CAPS2: variants seen among roughly 807,000 people sequenced by gnomAD.
The protein encoded by CAPS2 is calcyphosin-2.
In CAPS2, 98 loss-of-function variants were observed where a neutral mutation model predicts 86.5. The ratio of observed to expected loss-of-function variants is 1.13; its 90% CI spans 0.96 to 1.34. CAPS2 has a LOEUF of 1.34. Ranked by LOEUF, CAPS2 falls within the 40% of genes most tolerant of loss-of-function variation. CAPS2 has a pLI of 0.00. For synonymous variants in CAPS2, 210 were observed against 225.1 expected (o/e 0.93, Z 0.60); for missense variants, 729 against 686.8 (o/e 1.06, Z -0.69).
chr12:75,278,818 T>C (rs1292682923), exon 17 of CAPS2: 3 of 1,353,366 alleles, frequency 2.2e-6, no homozygotes. Flanking sequence ...TTCCAGTGTT[T>C]GATCATCCTT....
chr12:75,327,801 C>T (rs918426863), upstream of CAPS2, among the ~76,000 whole-genome samples: 1 of 149,280 alleles, frequency 6.7e-6, no homozygotes. Context: ...TTACAATATA[C>T]TTTATTTATT....
At chr12:75,281,614 C>T (rs544171942) in intron 16 of CAPS2, among the ~76,000 whole-genome samples, 3 of 151,846 alleles carry the variant, frequency 2.0e-5, no homozygotes, top group Non-Finnish European at 4.4e-5. Flanking sequence ...AAGTAAAATT[C>T]ATAATGTATT....
intron 1 of CAPS2, among the ~76,000 whole-genome samples, chr12:75,389,534 C>A (rs1200754453): frequency 6.6e-6 from 1 of 152,134 alleles, no homozygotes; most frequent in African/African-American, 2.4e-5. Flanking sequence ...TATACTTTTT[C>A]TTTAGCATTT....
rs868094637 is a variant in CAPS2 at position 75,311,729 on chromosome 12, A to C, written c.659+1119T>G. Among the ~76,000 whole-genome samples, 895 of 131,036 alleles carry C rather than the reference A, an allele frequency of 6.8e-3. 9 individuals carry two copies. The highest frequency in any genetic ancestry group is 0.012 in the Middle Eastern group (3 of 248). The allele number at this position is 131,036 out of a possible 152,430, so 86.0% of individuals were successfully genotyped here. ...AAAAAAAACAAAAAAAAAAACAAAA[A>C]AAAAAAAAAAAACCTGCCTCAAAGA... On this transcript the variant is annotated intron_variant, in intron 7 of 16. Coordinates refer to ENST00000393284, the Ensembl canonical transcript of CAPS2.
chr12:75,276,038 G>T (rs567391660), downstream of CAPS2: 4 of 594,968 alleles, frequency 6.7e-6, no homozygotes, highest in East Asian at 1.1e-4. Flanking sequence ...TACCTCAGAA[G>T]TTTATAGAAC....
intron 8 of CAPS2, among the ~76,000 whole-genome samples, chr12:75,302,583 C>A (rs999203511): frequency 1.3e-5 from 2 of 151,952 alleles, no homozygotes; most frequent in Non-Finnish European, 2.9e-5. Flanking sequence ...GTTTTTGAGA[C>A]AGATATAATC....
At chr12:75,320,375 A>G (rs952129151) in intron 5 of CAPS2, among the ~76,000 whole-genome samples, 1 of 152,142 alleles carries the variant, frequency 6.6e-6, no homozygotes, top group Non-Finnish European at 1.5e-5. Flanking sequence ...TCTAAATATC[A>G]TTTGGTATAT....
intron 1 of CAPS2, among the ~76,000 whole-genome samples, chr12:75,381,734 C>T (rs1407084515): frequency 6.6e-6 from 1 of 151,526 alleles, no homozygotes; most frequent in Non-Finnish European, 1.5e-5. Context: ...CCTGCCTCAG[C>T]CTCCCGAGTA....
At chr12:75,372,054 G>A (rs553727941) in intron 1 of CAPS2, among the ~76,000 whole-genome samples, 21 of 152,166 alleles carry the variant, frequency 1.4e-4, no homozygotes, top group East Asian at 5.8e-4. Context: ...AGTCTCTGTC[G>A]CCCAGGCTGG....
At position 75,317,211 on chromosome 12, in the gene CAPS2, G is replaced by C. The variant is rs983603465; in HGVS notation, c.469-777C>G. Among the ~76,000 whole-genome samples the C allele has an allele frequency of 6.6e-5, 10 of 152,218 alleles. No individual in the cohort carries two copies. In the South Asian group the frequency reaches 1.5e-3, roughly 22 times the overall value. ...AACCTTGTCTGTCATTTTTATTGCT[G>C]TATCGCTGGTGGCAGAACAGGATAA... On this transcript the variant is annotated intron_variant, in intron 5 of 16. Coordinates refer to ENST00000393284, the Ensembl canonical transcript of CAPS2.
chr12:75,279,798 T>C (rs1329593051), intron 16 of CAPS2, among the ~76,000 whole-genome samples: 2 of 152,042 alleles, frequency 1.3e-5, no homozygotes, highest in Non-Finnish European at 2.9e-5. Context: ...AATGAAGTTT[T>C]AATTGAATGT....
chr12:75,332,686 G>A (rs948182466), upstream of CAPS2, among the ~76,000 whole-genome samples: 2 of 151,928 alleles, frequency 1.3e-5, no homozygotes, highest in Non-Finnish European at 2.9e-5. Context: ...TTATTTATTC[G>A]ACCAATTTTT....
At chr12:75,322,935 A>T in intron 4 of CAPS2, 1 of 1,123,328 alleles carries the variant, frequency 8.9e-7, no homozygotes, top group East Asian at 2.6e-5. Context: ...AATATTTTAG[A>T]ATAAAATTCT....
At chr12:75,317,767 AAATT>A (rs1451143245) in intron 5 of CAPS2, among the ~76,000 whole-genome samples, 4 of 152,276 alleles carry the variant, frequency 2.6e-5, no homozygotes, top group African/African-American at 7.2e-5. Context: ...TATCACAATC[AAATT>A]AATTAATACA....
At chr12:75,304,684 A>G in intron 8 of CAPS2, 73 bp downstream of exon 8, 1 of 1,135,936 alleles carries the variant, frequency 8.8e-7, no homozygotes. Context: ...CTCCAGCTAG[A>G]CACAGAAGTA....
downstream of CAPS2, chr12:75,276,419 G>A (rs182103961): frequency 3.6e-3 from 3,509 of 980,882 alleles, 11 homozygotes; most frequent in South Asian, 0.014. Context: ...AAAGTAATAT[G>A]TAAAATAAGA....
chr12:75,341,021 A>T (rs886402989), intron 1 of CAPS2, among the ~76,000 whole-genome samples: 1 of 151,422 alleles, frequency 6.6e-6, no homozygotes, highest in African/African-American at 2.4e-5. Context: ...ATAGTTTGGC[A>T]ATTTCTTACA....
chr12:75,324,103 T>C (rs1324821490), intron 2 of CAPS2, among the ~76,000 whole-genome samples: 1 of 152,168 alleles, frequency 6.6e-6, no homozygotes, highest in Non-Finnish European at 1.5e-5. Flanking sequence ...AGCCCCAAAA[T>C]ACACTGAAGA....
At chr12:75,282,901 C>A (rs2034233825) in intron 15 of CAPS2, among the ~76,000 whole-genome samples, 1 of 152,112 alleles carries the variant, frequency 6.6e-6, no homozygotes, top group East Asian at 1.9e-4. Flanking sequence ...GCATCCTGAC[C>A]TTGAGAAAGT....
Sources: allele counts gnomAD v4.1 joint callset (sites outside exome capture counted in the v4.1 genomes callset), GRCh38; gene constraint gnomAD v4.1.1; transcripts MANE v1.5; gene names NCBI Gene and HGNC (gene_info 2026-07-23, HGNC 2026-07-21).